Variants in COL21A1 observed in about 807,000 individuals in gnomAD.
COL21A1 encodes the protein collagen type XXI alpha 1 chain.
Under a neutral mutation model 137.9 loss-of-function variants are expected in COL21A1, and 149 were observed. That is an observed-to-expected ratio of 1.08 (90% CI 0.95 to 1.24). The LOEUF is 1.24. Among genes scored for constraint, COL21A1 ranks in the 50% most tolerant of loss-of-function variants. The pLI is 0.00. For synonymous variants in COL21A1, 456 were observed against 391.5 expected (o/e 1.16, Z -1.95); for missense variants, 1,167 against 1,158.4 (o/e 1.01, Z -0.11).
intron 1 of COL21A1, among the ~76,000 whole-genome samples, chr6:56,335,229 T>C (rs1402947087): frequency 6.6e-6 from 1 of 152,138 alleles, no homozygotes; most frequent in Non-Finnish European, 1.5e-5. Context: ...GTCTCTGCAC[T>C]GTGAAAGACT....
intron 21 of COL21A1, among the ~76,000 whole-genome samples, chr6:56,069,586 TTTG>T (rs1176166941): frequency 3.3e-5 from 5 of 150,354 alleles, no homozygotes; most frequent in African/African-American, 1.2e-4. Context: ...ATATTTTTAT[TTTG>T]TTATGTATTT....
chr6:56,124,799 T>G (rs867535876), intron 14 of COL21A1, among the ~76,000 whole-genome samples: 29 of 151,350 alleles, frequency 1.9e-4, no homozygotes, highest in East Asian at 4.0e-4. Context: ...CCACTACCAC[T>G]CCTGGCTAAT....
chr6:56,149,973 CA>C (rs1268808176), intron 10 of COL21A1, among the ~76,000 whole-genome samples: 1 of 152,154 alleles, frequency 6.6e-6, no homozygotes, highest in African/African-American at 2.4e-5. Context: ...AACTGAAAGC[CA>C]AACTCATAAC....
intron 1 of COL21A1, among the ~76,000 whole-genome samples, chr6:56,232,559 G>A (rs577721047): frequency 3.9e-5 from 6 of 151,998 alleles, no homozygotes; most frequent in Admixed American, 2.0e-4. Context: ...AGTTGGCTAC[G>A]TTCTGTTATA....
intron 2 of COL21A1, 32 bp downstream of exon 2, chr6:56,182,499 T>C: frequency 7.1e-7 from 1 of 1,402,688 alleles, no homozygotes; most frequent in East Asian, 2.4e-5. Flanking sequence ...AATTTGTTGA[T>C]AACAAAAAAG....
intron 1 of COL21A1, among the ~76,000 whole-genome samples, chr6:56,197,272 G>A (rs1433455680): frequency 1.3e-5 from 2 of 151,880 alleles, no homozygotes; most frequent in Non-Finnish European, 2.9e-5. Flanking sequence ...GAAAACACAG[G>A]GGAAAAGCTT....
intron 3 of COL21A1, among the ~76,000 whole-genome samples, chr6:56,171,399 A>T (rs1362443832): frequency 6.6e-6 from 1 of 151,940 alleles, no homozygotes; most frequent in South Asian, 2.1e-4. Context: ...ATATTTGTTA[A>T]TGTATTGTCT....
At position 56,147,290 on chromosome 6, in the gene COL21A1, T is replaced by C. The variant is rs531208475; in HGVS notation, c.1435-5307A>G. Among the ~76,000 whole-genome samples, 17 of 152,212 alleles carry C rather than the reference T, an allele frequency of 1.1e-4. 1 individual carries two copies. The South Asian group carries it at 3.5e-3, about 32-fold the overall frequency. ...GTACTTAACACCATCTGATGTTGTGTGTGTGCATTTATTACCTATTTCTCC... is the reference window on the plus strand; with the variant it reads ...GTACTTAACACCATCTGATGTTGTGCGTGTGCATTTATTACCTATTTCTCC... On this transcript the variant is annotated intron_variant, in intron 10 of 29. Coordinates refer to ENST00000244728, the MANE Select transcript of COL21A1 (RefSeq NM_030820.4).
chr6:56,183,261 T>C (rs1174881287), intron 1 of COL21A1, among the ~76,000 whole-genome samples: 1 of 152,158 alleles, frequency 6.6e-6, no homozygotes, highest in African/African-American at 2.4e-5. Context: ...ACATACCAGA[T>C]AAAGTACAAA....
chr6:56,246,184 A>T (rs1478422589), intron 1 of COL21A1, among the ~76,000 whole-genome samples: 6 of 152,182 alleles, frequency 3.9e-5, no homozygotes, highest in Admixed American at 3.3e-4. Context: ...ATTGGCATGA[A>T]TCCCTTAAAC....
At chr6:56,381,055 G>A (rs895326167) in intron 1 of COL21A1, among the ~76,000 whole-genome samples, 1 of 152,060 alleles carries the variant, frequency 6.6e-6, no homozygotes, top group Non-Finnish European at 1.5e-5. Context: ...TAGTTCAGCA[G>A]TCGCTAATTC....
chr6:56,219,904 A>G (rs1158095725), intron 1 of COL21A1, among the ~76,000 whole-genome samples: 1 of 152,174 alleles, frequency 6.6e-6, no homozygotes, highest in Non-Finnish European at 1.5e-5. Context: ...CTGAGGTGTT[A>G]TGAAGATATA....
At chr6:56,306,910 G>C (rs1311519595) in intron 1 of COL21A1, among the ~76,000 whole-genome samples, 1 of 152,110 alleles carries the variant, frequency 6.6e-6, no homozygotes, top group Non-Finnish European at 1.5e-5. Flanking sequence ...TGGTGTGGAT[G>C]TCCTTTCTGT....
intron 22 of COL21A1, chr6:56,068,721 C>T (rs12201531): frequency 0.15 from 27,259 of 180,290 alleles, 2,118 homozygotes; most frequent in Middle Eastern, 0.19. Context: ...TGACATTGGA[C>T]AATTTTCCTC....
At position 56,118,569 on chromosome 6, in the gene COL21A1, A is replaced by G. The variant is rs570167734; in HGVS notation, c.1758+5493T>C. ...ATAGAGGAAGAAGGAATACTTCCAA[A>G]CTCTTTCTATGAGGCCAGTATTACC... On this transcript the variant is annotated intron_variant, in intron 16 of 29. Transcript: ENST00000244728. Among the ~76,000 whole-genome samples, 7 of 152,156 alleles carry G rather than the reference A, an allele frequency of 4.6e-5. No individual in the cohort carries two copies. In the South Asian group the frequency reaches 1.5e-3, roughly 32 times the overall value.
intron 1 of COL21A1, among the ~76,000 whole-genome samples, chr6:56,315,204 T>G (rs1161351542): frequency 6.6e-6 from 1 of 152,170 alleles, no homozygotes; most frequent in African/African-American, 2.4e-5. Flanking sequence ...TATCTCCTCA[T>G]GGAGAGGCCC....
At chr6:56,340,259 G>T (rs947386188) in intron 1 of COL21A1, among the ~76,000 whole-genome samples, 1 of 152,134 alleles carries the variant, frequency 6.6e-6, no homozygotes, top group Non-Finnish European at 1.5e-5. Flanking sequence ...CTCAGCACAA[G>T]GCTGTGGTCT....
intron 7 of COL21A1, 75 bp downstream of exon 7, chr6:56,166,827 CAGAT>C (rs764172280): frequency 5.9e-6 from 6 of 1,017,290 alleles, no homozygotes; most frequent in South Asian, 1.4e-5. Flanking sequence ...AATTAATACT[CAGAT>C]AGTATCTGCT....
At position 56,292,400 on chromosome 6, in the gene COL21A1, C is replaced by CG. The variant is rs913386973; in HGVS notation, c.-39+101570_-39+101571insC. Among the ~76,000 whole-genome samples, 61 of 141,418 alleles carry CG rather than the reference C, an allele frequency of 4.3e-4. 1 individual carries two copies. Among genetic ancestry groups the CG allele is most frequent in the African/African-American group, 1.5e-3 (60 of 40,152 alleles). 92.8% of individuals were successfully genotyped at this position (141,418 alleles called of 152,430 possible). A position where few individuals can be genotyped will look rare whatever the true frequency, so the allele number is the denominator to read the frequency against. On this transcript the variant is annotated intron_variant, in intron 1 of 28. Coordinates refer to the COL21A1 transcript ENST00000370819. ...TATCAACAAAACAGGGACCCCCCCC[C>CG]TCCCCCGCCAAAGAGAGTCTGGGTT...
Sources: allele counts gnomAD v4.1 joint callset (sites outside exome capture counted in the v4.1 genomes callset), GRCh38; gene constraint gnomAD v4.1.1; transcripts MANE v1.5; gene names NCBI Gene and HGNC (gene_info 2026-07-23, HGNC 2026-07-21).